The following UBXN7 variants were observed in gnomAD, a reference collection of about 807,000 sequenced individuals.
UBXN7 encodes UBX domain protein 7.
In UBXN7, 9 loss-of-function variants were observed where a neutral mutation model predicts 58.0. That is an observed-to-expected ratio of 0.16 (90% confidence interval 0.09 to 0.27). UBXN7 has a LOEUF of 0.27. UBXN7 is among the 10% of genes least tolerant of loss of function. The pLI is 1.00. For synonymous variants in UBXN7, 208 were observed against 205.0 expected, an observed-to-expected ratio of 1.01 and a Z score of -0.12; for missense variants, 328 against 599.6, an observed-to-expected ratio of 0.55 and a Z score of 4.73.
At chr3:196,428,478 C>A (rs1259065357) in intron 1 of UBXN7, among the ~76,000 whole-genome samples, 3 of 151,290 alleles carry the variant, frequency 2.0e-5, no homozygotes, top group African/African-American at 7.3e-5. Context: ...AAAGAAATCT[C>A]AGAAATTGTA....
intron 5 of UBXN7, among the ~76,000 whole-genome samples, chr3:196,384,937 G>A (rs1387818708): frequency 6.6e-6 from 1 of 152,162 alleles, no homozygotes; most frequent in Non-Finnish European, 1.5e-5. Context: ...CATACTGTTG[G>A]AAGTTCTGGC....
At chr3:196,374,268 G>C (rs2108834867) in intron 5 of UBXN7, among the ~76,000 whole-genome samples, 2 of 140,522 alleles carry the variant, frequency 1.4e-5, no homozygotes, top group South Asian at 4.6e-4. Flanking sequence ...AAATGGAAGA[G>C]TCACTTTTTT....
Position 196,351,601 on chromosome 3 carries a change from C to T in UBXN7, c.*5084G>A, listed in dbSNP as rs1034233072. The T allele has an allele frequency of 2.0e-5, 3 of 152,132 alleles. No individual in the cohort carries two copies. Among genetic ancestry groups the T allele is most frequent in the African/African-American group, 7.2e-5 (3 of 41,420 alleles). The allele number at this position is 152,132 out of a possible 1,614,324, so 9.4% of individuals were successfully genotyped here. On this transcript the variant is annotated 3_prime_UTR_variant, in exon 11 of 11. Transcript: ENST00000296328. ...GGAAGCATGAAATTTTGGAAAAGGA[C>T]TTCAGAGATAATCTAATTTGTTGTT...
intron 8 of UBXN7, 55 bp downstream of exon 8, chr3:196,367,973 A>G: frequency 1.3e-6 from 2 of 1,580,736 alleles, no homozygotes; most frequent in Non-Finnish European, 1.7e-6. Context: ...TTTATATAAG[A>G]TGCTTATGAC....
rs1728270315 is a variant in UBXN7 at position 196,353,620 on chromosome 3, G to A, written c.*3065C>T. The A allele has an allele frequency of 6.6e-6, 1 of 151,796 alleles. No individual in the cohort carries two copies. The highest frequency in any genetic ancestry group is 6.6e-5 in the Admixed American group (1 of 15,216). 9.4% of individuals were successfully genotyped at this position (151,796 alleles called of 1,614,324 possible). On this transcript the variant is annotated 3_prime_UTR_variant, in exon 11 of 11. Transcript: ENST00000296328. ...CCCCTGCCTCAGCCTCTGAGTAGCTGGGATTACAGGTGCACGCCACCACAC... is the reference window on the plus strand; with the variant it reads ...CCCCTGCCTCAGCCTCTGAGTAGCTAGGATTACAGGTGCACGCCACCACAC...
intron 2 of UBXN7, among the ~76,000 whole-genome samples, chr3:196,406,636 C>T (rs1356032153): frequency 6.6e-6 from 1 of 151,592 alleles, no homozygotes; most frequent in Non-Finnish European, 1.5e-5. Flanking sequence ...AGTAGAGACA[C>T]GGTTTCACCA....
intron 8 of UBXN7, among the ~76,000 whole-genome samples, chr3:196,366,701 C>A (rs1366346250): frequency 6.6e-6 from 1 of 151,968 alleles, no homozygotes; most frequent in African/African-American, 2.4e-5. Context: ...CCAGCCTAGA[C>A]AACATACGGA....
Position 196,401,332 on chromosome 3 carries a change from T to C in UBXN7, c.289+1620A>G, listed in dbSNP as rs574119965. Among the ~76,000 whole-genome samples, 59 of 123,150 alleles carry C rather than the reference T, an allele frequency of 4.8e-4. 1 individual carries two copies. The highest frequency in any genetic ancestry group is 1.3e-3 in the East Asian group (5 of 3,868). The allele number at this position is 123,150 out of a possible 152,430, so 80.8% of individuals were successfully genotyped here. A position where few individuals can be genotyped will look rare whatever the true frequency, so the allele number is the denominator to read the frequency against. On this transcript the variant is annotated intron_variant, in intron 3 of 10. Coordinates refer to ENST00000296328, the MANE Select transcript of UBXN7 (RefSeq NM_015562.2). ...ACACACACACACACATATATATATA[T>C]ACACATATATACAAAAAATAAAAAT...
chr3:196,378,073 TTATA>T (rs1272161639), intron 5 of UBXN7, among the ~76,000 whole-genome samples: 1 of 152,238 alleles, frequency 6.6e-6, no homozygotes, highest in South Asian at 2.1e-4. Flanking sequence ...TTCACTGTTA[TTATA>T]TATATGTGTT....
intron 1 of UBXN7, among the ~76,000 whole-genome samples, chr3:196,417,229 C>T (rs1165928299): frequency 1.3e-5 from 2 of 152,078 alleles, no homozygotes; most frequent in Admixed American, 6.5e-5. Context: ...AGGAGAATGG[C>T]GTGAACCCGG....
At chr3:196,417,151 A>G (rs1429670008) in intron 1 of UBXN7, among the ~76,000 whole-genome samples, 1 of 152,098 alleles carries the variant, frequency 6.6e-6, no homozygotes, top group African/African-American at 2.4e-5. Flanking sequence ...GTCTCTACTA[A>G]AAATACAAAA....
intron 1 of UBXN7, 30 bp from the exon 2 acceptor site, chr3:196,407,423 TAAAAAA>T: frequency 2.2e-6 from 3 of 1,354,898 alleles, no homozygotes; most frequent in East Asian, 2.7e-5. Flanking sequence ...GGAAAAACGT[TAAAAAA>T]AAAAAAAAAA....
At chr3:196,417,951 T>G (rs900588141) in intron 1 of UBXN7, among the ~76,000 whole-genome samples, 1 of 151,472 alleles carries the variant, frequency 6.6e-6, no homozygotes, top group African/African-American at 2.4e-5. Flanking sequence ...AAATTCACAT[T>G]AAAGAACTTG....
At chr3:196,399,795 T>C (rs1729901373) in intron 3 of UBXN7, 1 of 152,156 alleles carries the variant, frequency 6.6e-6, no homozygotes, top group African/African-American at 2.4e-5. Context: ...AAGAATTCAC[T>C]ATCTAGTGAT....
At chr3:196,390,235 G>C (rs1560230437) in intron 5 of UBXN7, among the ~76,000 whole-genome samples, 1 of 151,796 alleles carries the variant, frequency 6.6e-6, no homozygotes, top group East Asian at 1.9e-4. Context: ...AAAAGACAAA[G>C]AAAAGGGAAA....
chr3:196,407,473 T>TC (rs1260168853), intron 1 of UBXN7, 80 bp from the exon 2 acceptor site: 25 of 1,496,498 alleles, frequency 1.7e-5, no homozygotes, highest in Non-Finnish European at 2.2e-5. Flanking sequence ...ATATTAGAAT[T>TC]CCCAAGTAAA....
At chr3:196,358,245 A>G (rs1728406023) in intron 10 of UBXN7, among the ~76,000 whole-genome samples, 1 of 152,130 alleles carries the variant, frequency 6.6e-6, no homozygotes. Flanking sequence ...ATAGAGAAAA[A>G]CAGACACAGT....
Position 196,393,607 on chromosome 3 carries a change from C to T in UBXN7, c.302G>A (p.Arg101Gln), listed in dbSNP as rs1729650347. 6.2e-7 allele frequency: 1 copy of T among 1,612,164 alleles called. No homozygotes were observed. Among genetic ancestry groups the T allele is most frequent in the African/African-American group, 1.3e-5 (1 of 74,964 alleles). ...PEPLFGAPKR[R>Q]RPARSIFDGF... is the part of the protein sequence containing the mutation. The stretch of plus-strand genomic sequence containing the variant: ...ATCAAAAATTGAACGTGCAGGCCGT[C>T]GTCTTTTAGGAGCTTTGGGGAGAAA... Residue 101 changes from arginine to glutamine, a missense_variant, in exon 4 of 11, where the codon CGA becomes CAA. Arg to Gln is a conservative substitution (Grantham distance 43). This residue lies in a region of UBXN7 where 126 missense variants were observed against 302.6 expected (regional missense o/e 0.42). Transcript: ENST00000296328.
chr3:196,391,765 A>G, intron 5 of UBXN7, 48 bp downstream of exon 5: 1 of 1,440,044 alleles, frequency 6.9e-7, no homozygotes, highest in Non-Finnish European at 9.6e-7. Context: ...AAGGCATTGA[A>G]AATGCAAAAG....
Sources: allele counts gnomAD v4.1 joint callset (sites outside exome capture counted in the v4.1 genomes callset), GRCh38; gene constraint gnomAD v4.1.1; regional missense constraint gnomAD v4.1.1; transcripts MANE v1.5; gene names NCBI Gene and HGNC (gene_info 2026-07-23, HGNC 2026-07-21).